ITPRIP: variants seen among roughly 807,000 people sequenced by gnomAD.
ITPRIP encodes the protein inositol 1,4,5-trisphosphate receptor-interacting protein.
In ITPRIP, 32 loss-of-function variants were observed where a neutral mutation model predicts 35.8. That is an observed-to-expected ratio of 0.89 (90% CI 0.68 to 1.20). The LOEUF (loss-of-function observed/expected upper bound fraction) is 1.20. ITPRIP is among the 50% of genes most tolerant of loss of function. ITPRIP has a pLI of 0.00. For missense variants in ITPRIP, 653 were observed against 735.6 expected (o/e 0.89, Z 1.30); for synonymous variants, 358 against 324.0 (o/e 1.11, Z -1.13).
Position 104,315,800 on chromosome 10 carries a change from CA to C in ITPRIP, c.251del (p.Val84GlyfsTer11). 6.2e-7 allele frequency: 1 copy of C among 1,613,894 alleles called. No individual in the cohort carries two copies. The highest frequency in any genetic ancestry group is 8.5e-7 in the Non-Finnish European group (1 of 1,179,932). On this transcript the variant is annotated frameshift_variant, in exon 2 of 2. Transcript: ENST00000337478. LOFTEE classifies it high-confidence loss of function. The surrounding 1 kb of genome is among the most constrained non-coding windows in gnomAD (Gnocchi z 5.7). ...AGAGGGTGCTCCAGAGGTCCCAGGC[CA>C]CGCGTGTCTCGTTCTGCTGCCTGCC... ...EEGRQQNETR[V>X]AWDLWSTLCM...
At position 104,317,958 on chromosome 10, in the gene ITPRIP, C is replaced by T. The variant is rs529651152; in HGVS notation, c.-13-1894G>A. ...CAGCTGGACAGGTCTGCAGGAACCACAAGGGTTGGGGAGTGGAGAAGGTCC... is the reference window on the plus strand; with the variant it reads ...CAGCTGGACAGGTCTGCAGGAACCATAAGGGTTGGGGAGTGGAGAAGGTCC... On this transcript the variant is annotated intron_variant, in intron 1 of 1. Coordinates refer to ENST00000337478, the MANE Select transcript of ITPRIP (RefSeq NM_001272013.2). Among the ~76,000 whole-genome samples, 5 of 152,294 alleles carry T rather than the reference C, an allele frequency of 3.3e-5. No individual in the cohort carries two copies. The East Asian group carries it at 9.6e-4, about 29-fold the overall frequency.
At chr10:104,322,602 G>T (rs747703259) in intron 1 of ITPRIP, among the ~76,000 whole-genome samples, 3 of 152,222 alleles carry the variant, frequency 2.0e-5, no homozygotes, top group Non-Finnish European at 4.4e-5. Context: ...GCGTCCTCTG[G>T]GTAGGAGGGT....
chr10:104,334,780 T>G (rs1270575270), intron 1 of ITPRIP, among the ~76,000 whole-genome samples: 1 of 152,254 alleles, frequency 6.6e-6, no homozygotes, highest in Non-Finnish European at 1.5e-5. Context: ...CACCCCATGC[T>G]GCTCCTGCCT....
Position 104,314,431 on chromosome 10 carries a change from C to T in ITPRIP, c.1621G>A (p.Asp541Asn). Residue 541 changes from aspartate (D) to asparagine (N), a missense_variant, in exon 2 of 2, where the codon GAC becomes AAC. Physicochemically the swap from Asp to Asn is conservative, Grantham distance 23 (BLOSUM62 1). Transcript: ENST00000337478. ...ISEYSLHVPS[D>N]QPTPKS ...CGTCAGCTTTTTGGGGTAGGCTGGT[C>T]TGAGGGGACATGTAGGGAATACTCG... 6.2e-7 allele frequency: 1 copy of T among 1,611,876 alleles called. No individual in the cohort carries two copies. Among genetic ancestry groups the T allele is most frequent in the Non-Finnish European group, 8.5e-7 (1 of 1,178,540 alleles).
At position 104,313,744 on chromosome 10, in the gene ITPRIP, A is replaced by T. The variant is rs2013550480; in HGVS notation, c.*664T>A. Reference sequence around the variant, plus strand: ...GCTGAGTGAGAAGTGTAGCTGAAAAAGTGGCTAATTGTGTTTCTCTATGCC... The same window carrying T: ...GCTGAGTGAGAAGTGTAGCTGAAAATGTGGCTAATTGTGTTTCTCTATGCC... On this transcript the variant is annotated 3_prime_UTR_variant, in exon 2 of 2. Coordinates refer to ENST00000337478, the MANE Select transcript of ITPRIP (RefSeq NM_001272013.2). 1.0e-6 allele frequency: 1 copy of T among 985,368 alleles called. No homozygotes were observed. The highest frequency in any genetic ancestry group is 1.2e-6 in the Non-Finnish European group (1 of 830,004). The allele number at this position is 985,368 out of a possible 1,614,324, so 61.0% of individuals were successfully genotyped here. A position where few individuals can be genotyped will look rare whatever the true frequency, so the allele number is the denominator to read the frequency against.
intron 1 of ITPRIP, among the ~76,000 whole-genome samples, chr10:104,318,452 C>CA (rs1409589897): frequency 3.3e-5 from 5 of 152,294 alleles, no homozygotes; most frequent in Non-Finnish European, 7.4e-5. Context: ...ATAGCCCGGA[C>CA]AACCACCTAC....
In ITPRIP at chr10:104,315,017, G is replaced by A; in HGVS notation, c.1035C>T (p.Pro345=). ...ACTGGATCACAGGAATCAGGTTGAA[G>A]GGCATGAACTTCCCTGAACGGAACT... The part of the protein sequence containing the change: ...KIKFRSGKFM[P]FNLIPVIQCD... The change falls in exon 2 of 2, where the codon CCC becomes CCT. Residue 345 remains proline, a synonymous_variant. Transcript: ENST00000337478. The surrounding 1 kb of genome is among the most constrained non-coding windows in gnomAD (Gnocchi z 5.7). The A allele has an allele frequency of 6.2e-7, 1 of 1,614,168 alleles. No individual in the cohort carries two copies. The highest frequency in any genetic ancestry group is 8.5e-7 in the Non-Finnish European group (1 of 1,180,032).
Position 104,314,840 on chromosome 10 carries a change from G to A in ITPRIP, c.1212C>T (p.Cys404=), listed in dbSNP as rs2013597744. The change falls in exon 2 of 2, where the codon TGC becomes TGT. Residue 404 remains cysteine, a synonymous_variant. Transcript: ENST00000337478. ...TTLKALPEGA[C]HLSCLQIASF... ...ATGCTATCTGCAGGCAGCTGAGGTGGCAGGCGCCCTCGGGCAGTGCCTTTA... is the reference window on the plus strand; with the variant it reads ...ATGCTATCTGCAGGCAGCTGAGGTGACAGGCGCCCTCGGGCAGTGCCTTTA... 6.2e-7 allele frequency: 1 copy of A among 1,613,848 alleles called. No homozygotes were observed. The highest frequency in any genetic ancestry group is 8.5e-7 in the Non-Finnish European group (1 of 1,180,030).
In ITPRIP at chr10:104,313,751, A is replaced by C. The variant is rs1458120494; in HGVS notation, c.*657T>G. 2 of 985,378 alleles carry C rather than the reference A, an allele frequency of 2.0e-6. No homozygotes were observed. The highest frequency in any genetic ancestry group is 2.4e-6 in the Non-Finnish European group (2 of 830,028). The allele number at this position is 985,378 out of a possible 1,614,324, so 61.0% of individuals were successfully genotyped here. On this transcript the variant is annotated 3_prime_UTR_variant, in exon 2 of 2. Coordinates refer to ENST00000337478, the MANE Select transcript of ITPRIP (RefSeq NM_001272013.2). ...GAGAAGTGTAGCTGAAAAAGTGGCTAATTGTGTTTCTCTATGCCACCAAGT... is the reference window on the plus strand; with the variant it reads ...GAGAAGTGTAGCTGAAAAAGTGGCTCATTGTGTTTCTCTATGCCACCAAGT...
intron 1 of ITPRIP, among the ~76,000 whole-genome samples, chr10:104,320,535 ATT>A (rs34369154): frequency 0.055 from 7,261 of 131,568 alleles, 555 homozygotes; most frequent in African/African-American, 0.2. Flanking sequence ...TCTGCCTGTA[ATT>A]TTTTTTTTTT....
chr10:104,332,818 G>A (rs2014173981), intron 1 of ITPRIP, among the ~76,000 whole-genome samples: 2 of 152,312 alleles, frequency 1.3e-5, no homozygotes, highest in South Asian at 4.1e-4. Flanking sequence ...ATTCCACAGG[G>A]AATGCTAAGT....
At chr10:104,336,160 G>A (rs1319108867) in intron 1 of ITPRIP, among the ~76,000 whole-genome samples, 2 of 152,180 alleles carry the variant, frequency 1.3e-5, no homozygotes, top group East Asian at 1.9e-4. Context: ...CCAAGACAGA[G>A]CACCTTATTC....
intron 1 of ITPRIP, among the ~76,000 whole-genome samples, chr10:104,321,017 A>T (rs1406727876): frequency 6.6e-6 from 1 of 152,210 alleles, no homozygotes; most frequent in Non-Finnish European, 1.5e-5. Flanking sequence ...GCATTCTGAC[A>T]TTCTGAGACA....
rs528569041 is a variant in ITPRIP at position 104,328,244 on chromosome 10, G to A, written c.-14+10002C>T. ...CAGCAATGCGCCCTCACCACTTCCC[G>A]TTGTCCTACATTGGCTTGGTCTGGG... On this transcript the variant is annotated intron_variant, in intron 1 of 1. Transcript: ENST00000337478. This position sits in a 1 kb window ranked among gnomAD's most constrained non-coding sequence, Gnocchi z 4.1. 3.1e-4 allele frequency: 309 copies of A among 985,336 alleles called. No homozygotes were observed. Among genetic ancestry groups the A allele is most frequent in the Non-Finnish European group, 3.5e-4 (290 of 829,924 alleles). The allele number at this position is 985,336 out of a possible 1,614,324, so 61.0% of individuals were successfully genotyped here.
Position 104,314,710 on chromosome 10 carries a change from C to T in ITPRIP, c.1342G>A (p.Asp448Asn), listed in dbSNP as rs752822563. The T allele has an allele frequency of 1.6e-5, 26 of 1,613,644 alleles. No individual in the cohort carries two copies. The highest frequency in any genetic ancestry group is 6.7e-5 in the East Asian group (3 of 44,890). The change falls in exon 2 of 2, where the codon GAC becomes AAC. Residue 448 changes from aspartate to asparagine, a missense_variant. Physicochemically the swap from Asp to Asn is conservative, Grantham distance 23. Coordinates refer to ENST00000337478, the MANE Select transcript of ITPRIP (RefSeq NM_001272013.2). ...GCGTCCAGCTGCCCCGCCTTCCAGT[C>T]GGCGGCCTGCCGGAGGAGTAGGAGG... ...LHLLLLRQAA[D>N]WKAGQLDARL... is the part of the protein sequence containing the mutation.
At position 104,315,098 on chromosome 10, in the gene ITPRIP, C is replaced by T; in HGVS notation, c.954G>A (p.Lys318=). 7 of 1,614,184 alleles carry T rather than the reference C, an allele frequency of 4.3e-6. No individual in the cohort carries two copies. Among genetic ancestry groups the T allele is most frequent in the Non-Finnish European group, 5.9e-6 (7 of 1,180,022 alleles). Residue 318 remains lysine (K), a synonymous_variant, in exon 2 of 2, where the codon AAG becomes AAA. Transcript: ENST00000337478. The surrounding 1 kb of genome is among the most constrained non-coding windows in gnomAD (Gnocchi z 5.7). ...LTRAWKGIAH[K]YEFDLAFGQL... ...GGCCAAAGGCCAGGTCGAACTCGTA[C>T]TTGTGGGCGATGCCCTTCCAGGCTC...
At chr10:104,334,716 G>A (rs1401924039) in intron 1 of ITPRIP, among the ~76,000 whole-genome samples, 1 of 152,154 alleles carries the variant, frequency 6.6e-6, no homozygotes, top group Non-Finnish European at 1.5e-5. Context: ...CTGGTGAGAG[G>A]GCCGCAGAGG....
intron 1 of ITPRIP, 28 bp from the exon 2 acceptor site, chr10:104,316,092 C>A: frequency 6.6e-7 from 1 of 1,508,396 alleles, no homozygotes; most frequent in Non-Finnish European, 8.8e-7. Flanking sequence ...GATGGTCACA[C>A]CAAGCTTCCC....
At chr10:104,329,200 C>CT in intron 1 of ITPRIP, among the ~76,000 whole-genome samples, 1 of 152,268 alleles carries the variant, frequency 6.6e-6, no homozygotes, top group East Asian at 1.9e-4. Context: ...TTAAGAGCGT[C>CT]TTTGCTTGTG....
Sources: allele counts gnomAD v4.1 joint callset (sites outside exome capture counted in the v4.1 genomes callset), GRCh38; gene constraint gnomAD v4.1.1; non-coding constraint Gnocchi (gnomAD v3.1); transcripts MANE v1.5; gene names NCBI Gene and HGNC (gene_info 2026-07-23, HGNC 2026-07-21).